Variants in SMAP1 observed in about 807,000 individuals in gnomAD.
SMAP1 encodes the protein stromal membrane-associated protein 1.
In SMAP1, 24 loss-of-function variants were observed where a neutral mutation model predicts 58.5. The ratio of observed to expected loss-of-function variants is 0.41; its 90% CI spans 0.30 to 0.58. The LOEUF (loss-of-function observed/expected upper bound fraction) is 0.58, where lower values mean the gene tolerates loss of function less well. Among genes scored for constraint, SMAP1 ranks in the 20% least tolerant of loss-of-function variants. The pLI, the probability that SMAP1 is intolerant of heterozygous loss-of-function variation, is 0.29. For missense variants in SMAP1, 563 were observed against 566.3 expected, an observed-to-expected ratio of 0.99 and a Z score of 0.06; for synonymous variants, 216 against 196.6, an observed-to-expected ratio of 1.10 and a Z score of -0.82.
chr6:70,827,560 T>G (rs1441498141), intron 6 of SMAP1, among the ~76,000 whole-genome samples: 1 of 152,226 alleles, frequency 6.6e-6, no homozygotes, highest in Non-Finnish European at 1.5e-5. Flanking sequence ...GAGGATACTT[T>G]CTAATATTTG....
chr6:70,783,747 A>G (rs1314084309), intron 4 of SMAP1, among the ~76,000 whole-genome samples: 2 of 152,232 alleles, frequency 1.3e-5, no homozygotes, highest in Non-Finnish European at 1.5e-5. Flanking sequence ...AAGGAAGTTT[A>G]GAGAAAAAAG....
At chr6:70,769,937 G>A (rs1430476628) in intron 3 of SMAP1, among the ~76,000 whole-genome samples, 1 of 151,428 alleles carries the variant, frequency 6.6e-6, no homozygotes, top group Admixed American at 6.6e-5. Flanking sequence ...AGCTCTCTTA[G>A]GGCAGGCCTG....
At chr6:70,828,242 A>G (rs1770219345) in intron 6 of SMAP1, among the ~76,000 whole-genome samples, 1 of 152,208 alleles carries the variant, frequency 6.6e-6, no homozygotes. Context: ...ATATTAACTC[A>G]TGAATTTTTT....
chr6:70,694,967 T>C (rs546482136), intron 1 of SMAP1, among the ~76,000 whole-genome samples: 1 of 152,238 alleles, frequency 6.6e-6, no homozygotes, highest in Admixed American at 6.5e-5. Context: ...GTGCGTCTTT[T>C]TCAGTTTCTC....
chr6:70,767,033 G>T (rs1325103250), intron 3 of SMAP1, among the ~76,000 whole-genome samples: 2 of 151,922 alleles, frequency 1.3e-5, no homozygotes, highest in African/African-American at 2.4e-5. Context: ...TTTTTCTCAG[G>T]TTTGTCAAAG....
chr6:70,734,024 A>G (rs1458864652), intron 2 of SMAP1, among the ~76,000 whole-genome samples: 2 of 151,858 alleles, frequency 1.3e-5, no homozygotes, highest in Non-Finnish European at 2.9e-5. Flanking sequence ...TTTACAATGT[A>G]AGGATTTTAA....
At chr6:70,818,947 C>T (rs537546899) in intron 6 of SMAP1, among the ~76,000 whole-genome samples, 42 of 152,058 alleles carry the variant, frequency 2.8e-4, no homozygotes, top group African/African-American at 9.2e-4. Flanking sequence ...TCAGCAGTTG[C>T]GTAGCCATCA....
At position 70,850,656 on chromosome 6, in the gene SMAP1, C is replaced by G. The variant is rs189725845; in HGVS notation, c.665-1884C>G. ...AATTGATGACGATGTTTGCCCATCTCTAACTCTGTAGCTCATGAGTTAAAT... is the reference window on the plus strand; with the variant it reads ...AATTGATGACGATGTTTGCCCATCTGTAACTCTGTAGCTCATGAGTTAAAT... On this transcript the variant is annotated intron_variant, in intron 7 of 10. Coordinates refer to ENST00000370455, the MANE Select transcript of SMAP1 (RefSeq NM_001044305.3). Among the ~76,000 whole-genome samples, 171 of 152,186 alleles carry G rather than the reference C, an allele frequency of 1.1e-3. 2 individuals are homozygous for G. Among genetic ancestry groups the G allele is most frequent in the Non-Finnish European group, 1.9e-3 (129 of 67,976 alleles).
rs1582196931 is a variant in SMAP1, at chr6:70,791,675, C to T, written c.415-14C>T. The T allele has an allele frequency of 5.6e-6, 9 of 1,608,138 alleles. No individual in the cohort carries two copies. The East Asian group carries it at 1.3e-4, about 24-fold the overall frequency. On this transcript the variant is annotated splice_polypyrimidine_tract_variant and intron_variant, in intron 4 of 10. Coordinates refer to ENST00000370455, the MANE Select transcript of SMAP1 (RefSeq NM_001044305.3). ...TTGTTTTTTTCCTCCTGACTTTTCA[C>T]CTGTACTCCACAGATTTCCTCCTCT...
At chr6:70,821,208 T>C (rs892677445) in intron 6 of SMAP1, among the ~76,000 whole-genome samples, 11 of 152,234 alleles carry the variant, frequency 7.2e-5, no homozygotes, top group Admixed American at 5.2e-4. Context: ...GTAAATGTAA[T>C]CATACCATGC....
chr6:70,700,074 G>C (rs1767564195), intron 1 of SMAP1, among the ~76,000 whole-genome samples: 1 of 152,052 alleles, frequency 6.6e-6, no homozygotes, highest in South Asian at 2.1e-4. Context: ...CACAGGAATG[G>C]ATTCCTCGTA....
At chr6:70,788,024 A>T (rs1223383680) in intron 4 of SMAP1, among the ~76,000 whole-genome samples, 1 of 152,154 alleles carries the variant, frequency 6.6e-6, no homozygotes, top group Non-Finnish European at 1.5e-5. Context: ...GGCACTATTC[A>T]CATTAACAAA....
At position 70,700,944 on chromosome 6, in the gene SMAP1, G is replaced by A. The variant is rs907128154; in HGVS notation, c.119-31434G>A. Among the ~76,000 whole-genome samples, 4 of 152,214 alleles carry A rather than the reference G, an allele frequency of 2.6e-5. No homozygotes were observed. In the East Asian group the frequency reaches 7.7e-4, roughly 29 times the overall value. ...AATTGTCATCGGGGAGCTAGGTCCT[G>A]GAATGGGGGCCTCAGGACTCTGCCT... On this transcript the variant is annotated intron_variant, in intron 1 of 10. Coordinates refer to ENST00000370455, the MANE Select transcript of SMAP1 (RefSeq NM_001044305.3).
intron 3 of SMAP1, among the ~76,000 whole-genome samples, chr6:70,758,286 T>C (rs913803393): frequency 2.0e-5 from 3 of 149,414 alleles, no homozygotes; most frequent in African/African-American, 2.5e-5. Flanking sequence ...AACCAAACAC[T>C]GCATATTCTC....
chr6:70,682,633 T>C (rs17694765), intron 1 of SMAP1, among the ~76,000 whole-genome samples: 66,160 of 152,132 alleles, frequency 0.43, 14,747 homozygotes, highest in South Asian at 0.5. Context: ...GCGCACTTTT[T>C]TTTTCAGAAT....
intron 6 of SMAP1, among the ~76,000 whole-genome samples, chr6:70,804,821 G>A (rs1420579403): frequency 1.3e-5 from 2 of 152,040 alleles, no homozygotes; most frequent in Non-Finnish European, 2.9e-5. Flanking sequence ...GTTGTATATT[G>A]ACCCCCACTC....
intron 6 of SMAP1, among the ~76,000 whole-genome samples, chr6:70,804,463 G>A (rs981453047): frequency 6.6e-6 from 1 of 152,028 alleles, no homozygotes; most frequent in African/African-American, 2.4e-5. Context: ...TTGCCAGTCT[G>A]TGTCTTTTAA....
chr6:70,796,638 A>G (rs1768619323), intron 5 of SMAP1, among the ~76,000 whole-genome samples: 1 of 152,202 alleles, frequency 6.6e-6, no homozygotes, highest in African/African-American at 2.4e-5. Context: ...TCCAGTATAA[A>G]GCCCAGGCAC....
At chr6:70,778,599 A>G (rs1417657143) in intron 4 of SMAP1, among the ~76,000 whole-genome samples, 2 of 152,252 alleles carry the variant, frequency 1.3e-5, no homozygotes, top group African/African-American at 2.4e-5. Flanking sequence ...AATGGATGTC[A>G]TAGGACCCAG....
Sources: allele counts gnomAD v4.1 joint callset (sites outside exome capture counted in the v4.1 genomes callset), GRCh38; gene constraint gnomAD v4.1.1; transcripts MANE v1.5; gene names NCBI Gene and HGNC (gene_info 2026-07-23, HGNC 2026-07-21).